The following WDR17 variants were observed in gnomAD, a reference collection of about 807,000 sequenced individuals.
The protein encoded by WDR17 is WD repeat-containing protein 17.
WDR17 carries 143 observed loss-of-function variants against 161.7 expected under a neutral mutation model. That is an observed-to-expected ratio of 0.88 (90% CI 0.77 to 1.02). The LOEUF is 1.02. Ranked by LOEUF, WDR17 falls within the 50% of genes least tolerant of loss-of-function variation. The pLI, the probability that WDR17 is intolerant of heterozygous loss-of-function variation, is 0.00. For synonymous variants in WDR17, 517 were observed against 515.6 expected, an observed-to-expected ratio of 1.00 and a Z score of -0.04; for missense variants, 1,469 against 1,520.9, an observed-to-expected ratio of 0.97 and a Z score of 0.57.
Position 176,116,605 on chromosome 4 carries a change from A to G in WDR17, c.307+626A>G, listed in dbSNP as rs555838473. On this transcript the variant is annotated intron_variant, in intron 3 of 28. Transcript: ENST00000508596. Reference sequence around the variant, plus strand: ...CTTTTTGAGCACCATATTTAGCTCAATTGATTATGGTTTTGAAAGCTACTG... The same window carrying G: ...CTTTTTGAGCACCATATTTAGCTCAGTTGATTATGGTTTTGAAAGCTACTG... Among the ~76,000 whole-genome samples the G allele has an allele frequency of 1.6e-4, 25 of 151,990 alleles. 1 individual carries two copies. The South Asian group carries it at 3.9e-3, about 24-fold the overall frequency.
intron 16 of WDR17, among the ~76,000 whole-genome samples, chr4:176,151,307 T>A (rs1230788604): frequency 6.6e-6 from 1 of 152,188 alleles, no homozygotes; most frequent in Non-Finnish European, 1.5e-5. Context: ...TATTACTTTA[T>A]CATTACCTTT....
At chr4:176,176,817 C>T (rs1446168734) in intron 26 of WDR17, among the ~76,000 whole-genome samples, 1 of 83,490 alleles carries the variant, frequency 1.2e-5, no homozygotes, top group Non-Finnish European at 3.0e-5. Context: ...TTTATCCACT[C>T]ACTCATTTAC....
intron 26 of WDR17, 41 bp from the exon 27 acceptor site, chr4:176,177,017 G>C (rs763790314): frequency 7.0e-7 from 1 of 1,436,726 alleles, no homozygotes; most frequent in South Asian, 1.2e-5. Flanking sequence ...TGATATCTTA[G>C]TTTTTGGTAT....
intron 1 of WDR17, among the ~76,000 whole-genome samples, chr4:176,104,928 CAA>C: frequency 6.6e-6 from 1 of 150,972 alleles, no homozygotes; most frequent in African/African-American, 2.4e-5. Flanking sequence ...GCTCTTCAAA[CAA>C]AAGAGATTGG....
chr4:176,099,354 C>A, intron 1 of WDR17, among the ~76,000 whole-genome samples: 1 of 152,116 alleles, frequency 6.6e-6, no homozygotes, highest in East Asian at 1.9e-4. Context: ...AAAATCTGAA[C>A]TGTAACTGAT....
Position 176,181,717 on chromosome 4 carries a change from A to T in WDR17, c.*2138A>T, listed in dbSNP as rs1466714345. On this transcript the variant is annotated 3_prime_UTR_variant, in exon 29 of 29. Coordinates refer to ENST00000508596, the MANE Select transcript of WDR17 (RefSeq NM_181265.4). ...TATTTTAAAATAAATAAATAAGCCT[A>T]TCTTTTTGTGCTTACATACTTAAAA... 2 of 153,006 alleles carry T rather than the reference A, an allele frequency of 1.3e-5. No homozygotes were observed. The highest frequency in any genetic ancestry group is 1.5e-5 in the Non-Finnish European group (1 of 68,326). The allele number at this position is 153,006 out of a possible 1,614,324, so 9.5% of individuals were successfully genotyped here.
At chr4:176,168,074 G>T (rs186294884) in intron 22 of WDR17, among the ~76,000 whole-genome samples, 1 of 151,876 alleles carries the variant, frequency 6.6e-6, no homozygotes, top group African/African-American at 2.4e-5. Context: ...TTGAACCCAG[G>T]AGGCAAAGGT....
intron 1 of WDR17, among the ~76,000 whole-genome samples, chr4:176,087,207 A>C (rs200985013): frequency 6.6e-6 from 1 of 150,658 alleles, no homozygotes; most frequent in South Asian, 2.1e-4. Flanking sequence ...AATCCCTTAT[A>C]TTTTTTTTTC....
chr4:176,144,107 G>T (rs1009843863), intron 11 of WDR17, among the ~76,000 whole-genome samples: 1 of 151,442 alleles, frequency 6.6e-6, no homozygotes, highest in African/African-American at 2.4e-5. Context: ...ACTTATACTG[G>T]CCCCCTTACC....
intron 24 of WDR17, among the ~76,000 whole-genome samples, chr4:176,172,931 A>G (rs1041396386): frequency 6.6e-6 from 1 of 152,182 alleles, no homozygotes. Context: ...CCACCTCCAT[A>G]ATCCAAACAC....
chr4:176,143,905 ATCT>A (rs1454424739), intron 11 of WDR17, among the ~76,000 whole-genome samples: 1 of 152,146 alleles, frequency 6.6e-6, no homozygotes, highest in Non-Finnish European at 1.5e-5. Context: ...TACTGCTTAA[ATCT>A]TTCAATACTT....
At chr4:176,102,204 C>A (rs1454253879) in intron 1 of WDR17, among the ~76,000 whole-genome samples, 1 of 152,100 alleles carries the variant, frequency 6.6e-6, no homozygotes. Flanking sequence ...GGCAAAAGAG[C>A]TGAACAGATA....
At chr4:176,143,174 C>A (rs535546128) in intron 11 of WDR17, among the ~76,000 whole-genome samples, 10 of 152,212 alleles carry the variant, frequency 6.6e-5, no homozygotes. Flanking sequence ...CCACCACGCC[C>A]GGCCTTACAC....
Position 176,125,430 on chromosome 4 carries a change from T to C in WDR17, c.790+75T>C, listed in dbSNP as rs1009774958. 62 of 1,527,504 alleles carry C rather than the reference T, an allele frequency of 4.1e-5. No individual in the cohort carries two copies. In the Admixed American group the frequency reaches 1.3e-3, roughly 31 times the overall value. The allele number at this position is 1,527,504 out of a possible 1,614,324, so 94.6% of individuals were successfully genotyped here. On this transcript the variant is annotated intron_variant, in intron 5 of 28. Transcript: ENST00000508596. ...TCGTTGAATTTAGGAAATTGTCCTT[T>C]ATAGGTTGATTTTGTGTAAAATGTA...
At chr4:176,097,719 T>G (rs1737104383) in intron 1 of WDR17, among the ~76,000 whole-genome samples, 1 of 126,128 alleles carries the variant, frequency 7.9e-6, no homozygotes, top group Admixed American at 8.9e-5. Context: ...CAAGCCCCAC[T>G]TACACACACA....
intron 4 of WDR17, among the ~76,000 whole-genome samples, chr4:176,121,523 C>T (rs1338120486): frequency 6.6e-6 from 1 of 152,180 alleles, no homozygotes; most frequent in Admixed American, 6.5e-5. Context: ...AGGATTGTGA[C>T]ACTTTCTTTT....
intron 28 of WDR17, among the ~76,000 whole-genome samples, chr4:176,178,594 G>A (rs910430609): frequency 6.6e-6 from 1 of 152,156 alleles, no homozygotes; most frequent in South Asian, 2.1e-4. Context: ...GGTATAGATG[G>A]AGTACTGTTC....
At chr4:176,176,339 C>T (rs1320873413) in intron 26 of WDR17, among the ~76,000 whole-genome samples, 1 of 152,092 alleles carries the variant, frequency 6.6e-6, no homozygotes, top group African/African-American at 2.4e-5. Flanking sequence ...ACAGTTCCAT[C>T]TTTGTTGTCT....
At chr4:176,107,535 G>A (rs1163887872) in intron 1 of WDR17, among the ~76,000 whole-genome samples, 2 of 151,000 alleles carry the variant, frequency 1.3e-5, no homozygotes, top group African/African-American at 2.4e-5. Flanking sequence ...CAATCCAGGC[G>A]ACAAATCACA....
Sources: gnomAD v4.1 joint callset for allele counts (sites outside exome capture counted in the v4.1 genomes callset) on GRCh38, gnomAD v4.1.1 for gene constraint, MANE v1.5 for transcripts, NCBI Gene and HGNC (gene_info 2026-07-23, HGNC 2026-07-21) for gene names.